The following PRP4K variants were observed in gnomAD, a reference collection of about 807,000 sequenced individuals.
PRP4K encodes the protein serine/threonine-protein kinase PRP4 homolog.
the PRP4K span, chr6:4,032,777 A>G: frequency 1.0e-5 from 16 of 1,530,980 alleles, no homozygotes; most frequent in African/African-American, 2.1e-4. Context: ...ACAAAATGTT[A>G]AAGCTTTTTA....
the PRP4K span, among the ~76,000 whole-genome samples, chr6:4,027,266 T>G: frequency 1.3e-5 from 2 of 152,196 alleles, no homozygotes; most frequent in African/African-American, 4.8e-5. Context: ...TCAACTCAAA[T>G]GGAGAGACAT....
chr6:4,058,655 T>G, the PRP4K span: 14 of 1,012,254 alleles, frequency 1.4e-5, no homozygotes, highest in Non-Finnish European at 1.8e-5. Flanking sequence ...TTTGACTTAT[T>G]GTATATTAAT....
the PRP4K span, chr6:4,031,798 C>T: frequency 1.9e-6 from 3 of 1,613,250 alleles, no homozygotes; most frequent in Non-Finnish European, 2.5e-6. Flanking sequence ...GGTATGTCTC[C>T]AGCAAAAAGA....
At chr6:4,054,582 C>G in the PRP4K span, among the ~76,000 whole-genome samples, 2 of 152,172 alleles carry the variant, frequency 1.3e-5, no homozygotes, top group African/African-American at 2.4e-5. Flanking sequence ...TCTCGGCTCA[C>G]TGCAACCTCC....
chr6:4,033,373 T>C, the PRP4K span, among the ~76,000 whole-genome samples: 4 of 152,164 alleles, frequency 2.6e-5, no homozygotes, highest in African/African-American at 7.2e-5. Context: ...TTGAATAATA[T>C]ATTGTCTTAG....
chr6:4,056,597 G>GT, the PRP4K span: 1 of 1,591,006 alleles, frequency 6.3e-7, no homozygotes, highest in Admixed American at 1.7e-5. Context: ...AATGAAGGTA[G>GT]TTGTGACAGG....
chr6:4,046,744 C>T, the PRP4K span, among the ~76,000 whole-genome samples: 3 of 151,704 alleles, frequency 2.0e-5, no homozygotes, highest in African/African-American at 4.8e-5. Flanking sequence ...TGCTACCTCC[C>T]TCTCCCAGGT....
the PRP4K span, chr6:4,049,403 C>G: frequency 2.2e-6 from 1 of 458,772 alleles, no homozygotes; most frequent in Non-Finnish European, 3.8e-6. Flanking sequence ...TCGTCTTGAT[C>G]TGAAACCAAG....
the PRP4K span, among the ~76,000 whole-genome samples, chr6:4,022,154 A>ATTTTTTTTT: frequency 5.3e-4 from 49 of 92,004 alleles, 4 homozygotes; most frequent in African/African-American, 1.2e-3. Context: ...GAGGCCTGGC[A>ATTTTTTTTT]TTTTTTTTTT....
chr6:4,062,429 ATATGTAATC>A, the PRP4K span: 1 of 152,662 alleles, frequency 6.6e-6, no homozygotes, highest in African/African-American at 2.4e-5. This position sits in a 1 kb window ranked among gnomAD's most constrained non-coding sequence, Gnocchi z 4.2. Context: ...TTTCAGAAAT[ATATGTAATC>A]TTTGCTGTTT....
chr6:4,025,597 T>C, the PRP4K span, among the ~76,000 whole-genome samples: 1 of 152,224 alleles, frequency 6.6e-6, no homozygotes, highest in African/African-American at 2.4e-5. Flanking sequence ...TACTCATTAA[T>C]TTACAATGGA....
chr6:4,037,206 TTTCA>T, the PRP4K span, among the ~76,000 whole-genome samples: 10 of 152,266 alleles, frequency 6.6e-5, no homozygotes, highest in Non-Finnish European at 8.8e-5. Flanking sequence ...AAATAAGACC[TTTCA>T]TTGTTTGCCT....
the PRP4K span, among the ~76,000 whole-genome samples, chr6:4,039,661 G>A: frequency 1.3e-5 from 2 of 152,124 alleles, no homozygotes; most frequent in Non-Finnish European, 2.9e-5. Flanking sequence ...GGGGTGTTGT[G>A]ACATGTTCTG....
At chr6:4,045,054 G>A in the PRP4K span, among the ~76,000 whole-genome samples, 1 of 151,556 alleles carries the variant, frequency 6.6e-6, no homozygotes, top group Non-Finnish European at 1.5e-5. Context: ...GTAGAGATGG[G>A]GTTTCACCGT....
chr6:4,049,970 T>G, the PRP4K span: 1 of 1,390,724 alleles, frequency 7.2e-7, no homozygotes, highest in Non-Finnish European at 9.7e-7. Flanking sequence ...TGATACATGA[T>G]AGAATGTGTA....
the PRP4K span, among the ~76,000 whole-genome samples, chr6:4,024,949 G>A: frequency 8.5e-4 from 129 of 152,248 alleles, no homozygotes; most frequent in African/African-American, 3.0e-3. Context: ...CATTCATTGT[G>A]CTGGGTGCCT....
chr6:4,051,301 T>G, the PRP4K span, among the ~76,000 whole-genome samples: 1 of 152,098 alleles, frequency 6.6e-6, no homozygotes, highest in Non-Finnish European at 1.5e-5. Flanking sequence ...TGTTTTGTTT[T>G]TTTGTTTGTT....
the PRP4K span, among the ~76,000 whole-genome samples, chr6:4,037,044 A>C: frequency 4.0e-5 from 6 of 151,882 alleles, no homozygotes; most frequent in Admixed American, 2.0e-4. Flanking sequence ...TGTAGAAAGA[A>C]AAAGTCGTCA....
At chr6:4,030,280 C>G in the PRP4K span, among the ~76,000 whole-genome samples, 3 of 152,094 alleles carry the variant, frequency 2.0e-5, no homozygotes, top group Non-Finnish European at 4.4e-5. Flanking sequence ...TTAATGCTTA[C>G]CCATGGTTGG....
Sources: allele counts gnomAD v4.1 joint callset (sites outside exome capture counted in the v4.1 genomes callset), GRCh38; gene constraint gnomAD v4.1.1; non-coding constraint Gnocchi (gnomAD v3.1); transcripts MANE v1.5; gene names NCBI Gene and HGNC (gene_info 2026-07-23, HGNC 2026-07-21).